Variants in SGCD observed in about 807,000 individuals in gnomAD.
The protein encoded by SGCD is delta-sarcoglycan.
SGCD carries 18 observed loss-of-function variants against 36.6 expected under a neutral mutation model. That is an observed-to-expected ratio of 0.49 (90% CI 0.34 to 0.73). The LOEUF is 0.73. Among genes scored for constraint, SGCD ranks in the 30% least tolerant of loss-of-function variants. The pLI, the probability that SGCD is intolerant of heterozygous loss-of-function variation, is 0.01. For missense variants in SGCD, 387 were observed against 346.7 expected, an observed-to-expected ratio of 1.12 and a Z score of -0.92; for synonymous variants, 133 against 130.6, an observed-to-expected ratio of 1.02 and a Z score of -0.12.
At chr5:156,144,748 C>G (rs927932876) in intron 3 of SGCD, among the ~76,000 whole-genome samples, 1 of 152,156 alleles carries the variant, frequency 6.6e-6, no homozygotes, top group Non-Finnish European at 1.5e-5. Context: ...TTAATTAGAT[C>G]CCATTTGTCA....
At chr5:155,822,789 A>G in the SGCD span, among the ~76,000 whole-genome samples, 4 of 152,360 alleles carry the variant, frequency 2.6e-5, no homozygotes, top group South Asian at 8.3e-4. Context: ...ATATTAGTTA[A>G]TCCAAGTATT....
chr5:156,311,384 T>C (rs1242184028), intron 3 of SGCD, among the ~76,000 whole-genome samples: 1 of 152,196 alleles, frequency 6.6e-6, no homozygotes, highest in Non-Finnish European at 1.5e-5. Flanking sequence ...GCAAGGAGAC[T>C]ATGGCTTTTT....
chr5:156,591,310 A>G (rs1581219305), intron 5 of SGCD, among the ~76,000 whole-genome samples: 2 of 152,230 alleles, frequency 1.3e-5, no homozygotes, highest in South Asian at 4.1e-4. Context: ...CCCATTAGAA[A>G]TTCTAATGTT....
the SGCD span, among the ~76,000 whole-genome samples, chr5:155,738,880 AG>A: frequency 6.9e-6 from 1 of 145,520 alleles, no homozygotes; most frequent in African/African-American, 2.6e-5. Flanking sequence ...CGTGTGAGAG[AG>A]AGTGTGTGTG....
chr5:155,922,679 A>G (rs1756901844), intron 1 of SGCD, among the ~76,000 whole-genome samples: 2 of 152,162 alleles, frequency 1.3e-5, no homozygotes. Context: ...ATTTTTCAGC[A>G]CAGCCTCTTA....
At chr5:155,909,160 C>T (rs1756581168) in intron 1 of SGCD, among the ~76,000 whole-genome samples, 1 of 152,082 alleles carries the variant, frequency 6.6e-6, no homozygotes, top group Non-Finnish European at 1.5e-5. Context: ...AACAGGCTCC[C>T]TGCTGAACTC....
chr5:156,651,118 TA>T (rs1763442770), intron 7 of SGCD, among the ~76,000 whole-genome samples: 1 of 152,094 alleles, frequency 6.6e-6, no homozygotes, highest in Non-Finnish European at 1.5e-5. Context: ...AGTGTCCTTT[TA>T]TTTCTTTTGC....
chr5:156,120,727 C>T (rs1261154278), intron 2 of SGCD, among the ~76,000 whole-genome samples: 8 of 152,096 alleles, frequency 5.3e-5, no homozygotes, highest in Non-Finnish European at 4.4e-5. Flanking sequence ...ACTACCTGAA[C>T]ATAGACAGTT....
intron 7 of SGCD, among the ~76,000 whole-genome samples, chr5:156,748,132 C>T (rs1247862576): frequency 2.0e-4 from 31 of 152,136 alleles, no homozygotes; most frequent in Admixed American, 2.0e-3. Context: ...GAGTAAAAAT[C>T]TATTATTCTC....
At chr5:156,530,642 C>A (rs1312671384) in intron 4 of SGCD, among the ~76,000 whole-genome samples, 3 of 150,654 alleles carry the variant, frequency 2.0e-5, no homozygotes, top group African/African-American at 7.3e-5. Context: ...TGCAGTGGTG[C>A]AATCTCGGCT....
At chr5:155,728,604 C>CGGCCGGCGGAGGCTTTCCGCAGCCGCTT in the SGCD span, among the ~76,000 whole-genome samples, 1 of 152,174 alleles carries the variant, frequency 6.6e-6, no homozygotes, top group Non-Finnish European at 1.5e-5. Context: ...TTCTAGGCGG[C>CGGCCGGCGGAGGCTTTCCGCAGCCGCTT]GGCCGGCGGA....
chr5:155,786,451 T>C, the SGCD span, among the ~76,000 whole-genome samples: 2 of 152,136 alleles, frequency 1.3e-5, no homozygotes, highest in Admixed American at 6.6e-5. Context: ...CACAGCCCCA[T>C]TCCTGAAACA....
chr5:156,743,826 G>A (rs10515745), intron 7 of SGCD, among the ~76,000 whole-genome samples: 20,641 of 152,206 alleles, frequency 0.14, 2,724 homozygotes, highest in African/African-American at 0.35. Context: ...TTAAATACCT[G>A]TTTCAGATAA....
chr5:156,177,467 G>A (rs768655579), intron 3 of SGCD, among the ~76,000 whole-genome samples: 1 of 152,092 alleles, frequency 6.6e-6, no homozygotes, highest in Admixed American at 6.6e-5. Flanking sequence ...GCAAATGTAA[G>A]CCTTGGAAAA....
intron 6 of SGCD, among the ~76,000 whole-genome samples, chr5:156,601,786 A>T (rs1287922247): frequency 6.6e-6 from 1 of 151,964 alleles, no homozygotes; most frequent in East Asian, 1.9e-4. Context: ...CGGGTTCCGG[A>T]CATTCTCCTG....
chr5:156,199,649 C>A (rs1764096837), intron 3 of SGCD, among the ~76,000 whole-genome samples: 1 of 152,022 alleles, frequency 6.6e-6, no homozygotes, highest in Non-Finnish European at 1.5e-5. Context: ...TGATTCCTTC[C>A]TTTTTAAAAT....
chr5:156,200,036 T>C (rs1417140323), intron 3 of SGCD, among the ~76,000 whole-genome samples: 5 of 152,126 alleles, frequency 3.3e-5, no homozygotes, highest in African/African-American at 9.7e-5. Flanking sequence ...CACAAATAAA[T>C]ATATTTCTCA....
intron 3 of SGCD, among the ~76,000 whole-genome samples, chr5:156,438,827 G>A (rs1014014798): frequency 6.6e-6 from 1 of 152,106 alleles, no homozygotes; most frequent in African/African-American, 2.4e-5. Flanking sequence ...TAGTAATTGT[G>A]ATAACAGTCA....
At chr5:155,784,787 A>G in the SGCD span, among the ~76,000 whole-genome samples, 4 of 152,064 alleles carry the variant, frequency 2.6e-5, no homozygotes, top group Non-Finnish European at 4.4e-5. Flanking sequence ...AAATGATGAA[A>G]TTGGTCAGAT....
Sources: gnomAD v4.1 joint callset for allele counts (sites outside exome capture counted in the v4.1 genomes callset) on GRCh38, gnomAD v4.1.1 for gene constraint, MANE v1.5 for transcripts, NCBI Gene and HGNC (gene_info 2026-07-23, HGNC 2026-07-21) for gene names.